Variants in C2CD3 observed in about 807,000 individuals in gnomAD.
C2CD3 encodes C2 domain containing 3 centriole elongation regulator, also known as C2 domain-containing protein 3.
Under a neutral mutation model 234.0 loss-of-function variants are expected in C2CD3, and 148 were observed. That is an observed-to-expected ratio of 0.63 (90% CI 0.55 to 0.72). The LOEUF is 0.72. C2CD3 is among the 30% of genes least tolerant of loss of function. The pLI, the probability that C2CD3 is intolerant of heterozygous loss-of-function variation, is 0.00. For missense variants in C2CD3, 2,577 were observed against 2,811.5 expected (o/e 0.92, Z 1.89); for synonymous variants, 1,000 against 1,035.4 (o/e 0.97, Z 0.66).
chr11:74,037,655 G>C lies in C2CD3; in HGVS notation c.5704C>G (p.Gln1902Glu). The C allele has an allele frequency of 6.2e-7, 1 of 1,614,036 alleles. No homozygotes were observed. Among genetic ancestry groups the C allele is most frequent in the African/African-American group, 1.3e-5 (1 of 75,016 alleles). ...GGTAGGAAAGGCTTGGTGAGCTTCT[G>C]GCGGAAGTACCTCTGAATCTGATCA... ...ELDQIQRYFR[Q>E]KLTKPFLPLS... Residue 1902 changes from glutamine to glutamate, a missense_variant, in exon 30 of 33, where the codon CAG becomes GAG. By Grantham distance (29) the Gln-to-Glu change is conservative. Coordinates refer to ENST00000334126, the MANE Select transcript of C2CD3 (RefSeq NM_001286577.2).
chr11:74,160,496 A>C (rs539856382), intron 3 of C2CD3, among the ~76,000 whole-genome samples: 1 of 152,270 alleles, frequency 6.6e-6, no homozygotes, highest in South Asian at 2.1e-4. Context: ...CAGAAGGACA[A>C]ATATTATACT....
intron 24 of C2CD3, among the ~76,000 whole-genome samples, chr11:74,067,090 C>T (rs1270669108): frequency 6.6e-6 from 1 of 152,124 alleles, no homozygotes; most frequent in Non-Finnish European, 1.5e-5. Context: ...AATTGACATG[C>T]TATTATTTAA....
chr11:74,054,308 G>C (rs1953852164), intron 26 of C2CD3, among the ~76,000 whole-genome samples: 1 of 151,122 alleles, frequency 6.6e-6, no homozygotes, highest in Non-Finnish European at 1.5e-5. Context: ...TAGGCATAGT[G>C]GTATGTGCTT....
At chr11:74,029,773 G>T (rs922074664) in intron 31 of C2CD3, among the ~76,000 whole-genome samples, 3 of 152,134 alleles carry the variant, frequency 2.0e-5, no homozygotes, top group Admixed American at 2.0e-4. Flanking sequence ...TATGTTTTTT[G>T]AAACAGGGTC....
Position 74,161,505 on chromosome 11 carries a change from A to G in C2CD3, c.377T>C (p.Ile126Thr), listed in dbSNP as rs199662661. 5 of 1,595,364 alleles carry G rather than the reference A, an allele frequency of 3.1e-6. No homozygotes were observed. Among genetic ancestry groups the G allele is most frequent in the Middle Eastern group, 1.7e-4 (1 of 6,024 alleles). The change falls in exon 3 of 33, where the codon ATT becomes ACT. Residue 126 changes from isoleucine to threonine, a missense_variant. Coordinates refer to ENST00000334126, the MANE Select transcript of C2CD3 (RefSeq NM_001286577.2). Reference protein sequence around the residue: ...EVITKLDGLPIGRVQINGLAQ... With the variant: ...EVITKLDGLPTGRVQINGLAQ... ...TAGTCCATTGATCTGAACTCTACCA[A>G]TTGGAAGACCATCAAGTTTGGTGAT... is the stretch of plus-strand genomic sequence containing the variant.
chr11:74,143,757 T>C (rs1854970749), intron 3 of C2CD3, among the ~76,000 whole-genome samples: 1 of 151,950 alleles, frequency 6.6e-6, no homozygotes, highest in Non-Finnish European at 1.5e-5. Context: ...ACTTTTCTTA[T>C]ATTGCCCTCT....
intron 3 of C2CD3, among the ~76,000 whole-genome samples, chr11:74,141,185 T>A (rs1041339685): frequency 6.6e-6 from 1 of 152,230 alleles, no homozygotes. Flanking sequence ...ATGAAATATT[T>A]TATCCAGAAG....
intron 24 of C2CD3, among the ~76,000 whole-genome samples, chr11:74,069,023 C>T (rs1015878609): frequency 5.3e-5 from 8 of 152,216 alleles, no homozygotes; most frequent in Admixed American, 1.3e-4. Flanking sequence ...GTTTTGAACT[C>T]CTGACCTCAA....
At chr11:74,118,942 G>A (rs1224082059) in intron 8 of C2CD3, among the ~76,000 whole-genome samples, 3 of 136,712 alleles carry the variant, frequency 2.2e-5, no homozygotes, top group Admixed American at 7.7e-5. Context: ...GGGTCTCACC[G>A]TGTTGCCCAG....
Position 74,170,535 on chromosome 11 carries a change from T to A in C2CD3, c.55+203A>T, listed in dbSNP as rs3814724. Among the ~76,000 whole-genome samples, 40,836 of 152,068 alleles carry A rather than the reference T, an allele frequency of 0.27. 6,554 individuals carry two copies. Among genetic ancestry groups the A allele is most frequent in the African/African-American group, 0.44 (18,435 of 41,438 alleles). On this transcript the variant is annotated intron_variant, in intron 1 of 32. Transcript: ENST00000334126. ...GGTAACCTTCATCTCATTAATCGCC[T>A]GTCTGTGGCCCCTACCCCAGCCCCT...
intron 3 of C2CD3, among the ~76,000 whole-genome samples, chr11:74,146,806 A>C (rs757737699): frequency 6.6e-6 from 1 of 150,968 alleles, no homozygotes; most frequent in Non-Finnish European, 1.5e-5. Context: ...TAATCCCAGC[A>C]CTTTGGGAGG....
At position 74,118,169 on chromosome 11, in the gene C2CD3, T is replaced by G; in HGVS notation, c.1520+59A>C. On this transcript the variant is annotated intron_variant, in intron 9 of 32. Transcript: ENST00000334126. ...AAATGGGTCATTTCACCTTGGGAGATCTTGTGAAAATAACATTCCTTTGTG... is the reference window on the plus strand; with the variant it reads ...AAATGGGTCATTTCACCTTGGGAGAGCTTGTGAAAATAACATTCCTTTGTG... The G allele has an allele frequency of 2.9e-6, 4 of 1,397,954 alleles. 1 individual carries two copies. The South Asian group carries it at 3.9e-5, about 14-fold the overall frequency. 86.6% of individuals were successfully genotyped at this position (1,397,954 alleles called of 1,614,324 possible).
intron 23 of C2CD3, among the ~76,000 whole-genome samples, chr11:74,076,692 A>G (rs1343381650): frequency 5.3e-5 from 8 of 152,134 alleles, no homozygotes; most frequent in Non-Finnish European, 8.8e-5. Context: ...TGAAATTACT[A>G]CAGTCCCCAA....
At chr11:74,059,107 TAGA>T (rs1370501063) in intron 24 of C2CD3, among the ~76,000 whole-genome samples, 2 of 152,176 alleles carry the variant, frequency 1.3e-5, no homozygotes, top group Admixed American at 6.5e-5. Flanking sequence ...CAGAAAAGAA[TAGA>T]AGAAGTATGT....
At chr11:74,119,810 A>G (rs1957151656) in intron 8 of C2CD3, among the ~76,000 whole-genome samples, 1 of 151,896 alleles carries the variant, frequency 6.6e-6, no homozygotes, top group Non-Finnish European at 1.5e-5. Context: ...TAATTTTTGT[A>G]TATTTAGTAG....
rs144109687 is a variant in C2CD3, at chr11:74,110,915, G to C, written c.1844-1763C>G. On this transcript the variant is annotated intron_variant, in intron 11 of 32. Transcript: ENST00000334126. ...TGATTTTGCCTAAGGCATATGATTA[G>C]TGTGTGGTATAATCAGAACTAGAAC... is the stretch of plus-strand genomic sequence containing the variant. 7.7e-3 allele frequency among the ~76,000 whole-genome samples: 1,168 copies of C among 152,332 alleles called. 14 individuals are homozygous for C. The highest frequency in any genetic ancestry group is 0.025 in the African/African-American group (1,022 of 41,570).
rs1440179602 is a variant in C2CD3, at chr11:74,138,890, T to A, written c.785A>T (p.Asn262Ile). 107 of 1,613,304 alleles carry A rather than the reference T, an allele frequency of 6.6e-5. No homozygotes were observed. The highest frequency in any genetic ancestry group is 8.2e-5 in the Non-Finnish European group (97 of 1,179,374). Residue 262 changes from asparagine to isoleucine, a missense_variant, in exon 5 of 33, where the codon AAT (asparagine) becomes ATT (isoleucine). Asn to Ile is a moderately radical substitution (Grantham distance 149). Transcript: ENST00000334126. ...DSSFGLQHSLNSGQSLESVTL... is the reference protein window; with the variant it reads ...DSSFGLQHSLISGQSLESVTL... ...TACAGACTCTAAACTCTGTCCTGAA[T>A]TAAGACTGTGCTGTAGTCCAAAGGA... is the stretch of plus-strand genomic sequence containing the variant.
intron 32 of C2CD3, among the ~76,000 whole-genome samples, chr11:74,026,797 G>T (rs897271602): frequency 6.6e-5 from 10 of 151,908 alleles, no homozygotes; most frequent in African/African-American, 2.2e-4. Flanking sequence ...GTGAAACCCT[G>T]TCTCTACTAA....
intron 11 of C2CD3, 81 bp downstream of exon 11, chr11:74,113,699 A>C: frequency 1.2e-6 from 1 of 850,330 alleles, no homozygotes; most frequent in Non-Finnish European, 2.0e-6. Context: ...AAAAAAAAAA[A>C]AGTCAAATGA....
Sources: allele counts gnomAD v4.1 joint callset (sites outside exome capture counted in the v4.1 genomes callset), GRCh38; gene constraint gnomAD v4.1.1; transcripts MANE v1.5; gene names NCBI Gene and HGNC (gene_info 2026-07-23, HGNC 2026-07-21).